Variants in ROBO1 observed in about 807,000 individuals in gnomAD.
The protein encoded by ROBO1 is roundabout guidance receptor 1, also known as roundabout homolog 1.
A neutral mutation model predicts 195.9 loss-of-function variants in ROBO1; 149 were observed. The ratio of observed to expected loss-of-function variants is 0.76; its 90% CI spans 0.67 to 0.87. The LOEUF (loss-of-function observed/expected upper bound fraction) is 0.87. Among genes scored for constraint, ROBO1 ranks in the 40% least tolerant of loss-of-function variants. The probability of loss-of-function intolerance (pLI) is 0.00; values close to 1 mark genes in which losing one functional copy is unlikely to be tolerated. For missense variants in ROBO1, 1,933 were observed against 2,068.3 expected (o/e 0.93, Z 1.27); for synonymous variants, 816 against 733.2 (o/e 1.11, Z -1.82).
At chr3:78,772,814 G>A (rs1228413905) in intron 4 of ROBO1, among the ~76,000 whole-genome samples, 19 of 152,006 alleles carry the variant, frequency 1.2e-4, no homozygotes, top group Admixed American at 1.1e-3. Flanking sequence ...TTGGTGAAGA[G>A]TTTTCACTAT....
chr3:78,808,730 AAAAC>A (rs1352058057), intron 4 of ROBO1, among the ~76,000 whole-genome samples: 1 of 152,234 alleles, frequency 6.6e-6, no homozygotes, highest in Non-Finnish European at 1.5e-5. Flanking sequence ...AAACCTGACA[AAAAC>A]AAGCAATGGG....
At position 78,995,185 on chromosome 3, in the gene ROBO1, C is replaced by T. The variant is rs765703728; in HGVS notation, c.173-56258G>A. On this transcript the variant is annotated intron_variant, in intron 3 of 30. Coordinates refer to ENST00000464233, the MANE Select transcript of ROBO1 (RefSeq NM_002941.4). ...GTAACTGATGATATTCTTTTCTTTCCGTAACTACCGTTGCTTCCAACACAA... is the reference window on the plus strand; with the variant it reads ...GTAACTGATGATATTCTTTTCTTTCTGTAACTACCGTTGCTTCCAACACAA... Among the ~76,000 whole-genome samples the T allele has an allele frequency of 4.6e-5, 7 of 152,248 alleles. No homozygotes were observed. The East Asian group carries it at 7.7e-4, about 17-fold the overall frequency.
In ROBO1 at chr3:78,701,149, C is replaced by T. The variant is rs112676668; in HGVS notation, c.1046-12377G>A. On this transcript the variant is annotated intron_variant, in intron 8 of 30. Transcript: ENST00000464233. ...ATTTTAAAAAGAGTAAAACCTTGCT[C>T]TAATGTAATTTTGGTTCTGAAATGT... Among the ~76,000 whole-genome samples, 438 of 152,254 alleles carry T rather than the reference C, an allele frequency of 2.9e-3. 3 individuals carry two copies. Among genetic ancestry groups the T allele is most frequent in the African/African-American group, 9.8e-3 (408 of 41,554 alleles).
intron 3 of ROBO1, among the ~76,000 whole-genome samples, chr3:79,053,739 G>A (rs945249738): frequency 3.3e-5 from 5 of 151,940 alleles, no homozygotes; most frequent in Non-Finnish European, 5.9e-5. Context: ...ATCTACACAT[G>A]CTTTTCCTGT....
intron 2 of ROBO1, among the ~76,000 whole-genome samples, chr3:79,290,279 G>A (rs142144793): frequency 0.025 from 3,773 of 151,954 alleles, 83 homozygotes; most frequent in Middle Eastern, 0.038. Context: ...TGATCCACCC[G>A]CCTCGGCCTC....
intron 2 of ROBO1, among the ~76,000 whole-genome samples, chr3:79,555,258 C>T (rs547237124): frequency 3.3e-5 from 5 of 152,188 alleles, no homozygotes; most frequent in South Asian, 2.1e-4. Flanking sequence ...TTGCTTGCTG[C>T]GCTCCTAATC....
chr3:78,971,886 C>A (rs1330172131), intron 3 of ROBO1, among the ~76,000 whole-genome samples: 1 of 152,114 alleles, frequency 6.6e-6, no homozygotes, highest in Non-Finnish European at 1.5e-5. Flanking sequence ...CTGCCTCAAT[C>A]TCCAGAGCAG....
At chr3:78,663,051 T>A (rs75937251) in intron 14 of ROBO1, among the ~76,000 whole-genome samples, 4,619 of 152,208 alleles carry the variant, frequency 0.03, 109 homozygotes, top group African/African-American at 0.068. Context: ...CTCAAAGAAT[T>A]GTATTTTGGC....
At chr3:79,713,292 G>T (rs1482567954) in intron 1 of ROBO1, among the ~76,000 whole-genome samples, 1 of 152,074 alleles carries the variant, frequency 6.6e-6, no homozygotes, top group Non-Finnish European at 1.5e-5. Flanking sequence ...TTATTTGAGA[G>T]ATACACTTCA....
At chr3:79,707,380 AT>A (rs1349363199) in intron 1 of ROBO1, among the ~76,000 whole-genome samples, 8 of 151,564 alleles carry the variant, frequency 5.3e-5, no homozygotes, top group East Asian at 3.9e-4. Flanking sequence ...ACCCTTGCCC[AT>A]TTTTTTTCTT....
intron 3 of ROBO1, among the ~76,000 whole-genome samples, chr3:78,980,684 C>T (rs758189077): frequency 2.6e-5 from 4 of 152,092 alleles, no homozygotes; most frequent in African/African-American, 4.8e-5. Context: ...ACACCACCAC[C>T]ACCAAACTTT....
rs1190588577 is a variant in ROBO1 at position 78,830,586 on chromosome 3, T to TTATAAAACC, written c.500-83695_500-83687dup. Among the ~76,000 whole-genome samples, 3 of 152,266 alleles carry TTATAAAACC rather than the reference T, an allele frequency of 2.0e-5. No individual in the cohort carries two copies. In the South Asian group the frequency reaches 6.2e-4, roughly 32 times the overall value. ...TGAAAACCCAGTGAAGGGGAAGCCC[T>TTATAAAACC]TATAAAACCACCAGATCTTGTGAGA... On this transcript the variant is annotated intron_variant, in intron 4 of 30. Transcript: ENST00000464233.
At chr3:79,307,619 T>C (rs2033282523) in intron 2 of ROBO1, among the ~76,000 whole-genome samples, 3 of 152,190 alleles carry the variant, frequency 2.0e-5, no homozygotes, top group African/African-American at 7.2e-5. Context: ...AATATATTAA[T>C]ATCTAAATGT....
At chr3:79,557,668 A>G (rs1346149719) in intron 2 of ROBO1, among the ~76,000 whole-genome samples, 1 of 150,712 alleles carries the variant, frequency 6.6e-6, no homozygotes, top group Non-Finnish European at 1.5e-5. Context: ...TAGAAGGTAG[A>G]TGTTCGGTGA....
At chr3:79,304,237 T>G (rs1291695226) in intron 2 of ROBO1, among the ~76,000 whole-genome samples, 1 of 152,158 alleles carries the variant, frequency 6.6e-6, no homozygotes, top group East Asian at 1.9e-4. Context: ...AGTAACTAAC[T>G]TGGTTAAAGA....
intron 2 of ROBO1, among the ~76,000 whole-genome samples, chr3:79,474,448 T>C (rs892518987): frequency 5.9e-5 from 9 of 152,122 alleles, no homozygotes; most frequent in Admixed American, 3.3e-4. Context: ...TTTTTAAAAG[T>C]TGAGGTAATA....
At position 79,688,989 on chromosome 3, in the gene ROBO1, A is replaced by G. The variant is rs147558637; in HGVS notation, c.-51+78763T>C. Reference sequence around the variant, plus strand: ...GTGATGTCTTCTCTGTTTTATAATTATTAGACTTTTTTCTCAGCTAGCTAT... The same window carrying G: ...GTGATGTCTTCTCTGTTTTATAATTGTTAGACTTTTTTCTCAGCTAGCTAT... On this transcript the variant is annotated intron_variant, in intron 1 of 30. Transcript: ENST00000464233. Among the ~76,000 whole-genome samples, 602 of 152,138 alleles carry G rather than the reference A, an allele frequency of 4.0e-3. 5 individuals carry two copies. Among genetic ancestry groups the G allele is most frequent in the Middle Eastern group, 0.031 (9 of 292 alleles).
chr3:79,765,696 G>A lies in ROBO1; in HGVS notation c.-51+2056C>T, dbSNP rs780827760. On this transcript the variant is annotated intron_variant, in intron 1 of 30. Transcript: ENST00000464233. ...TAGTTCCCAAACAACCACAGTAAAG[G>A]AGGCACATGGAAAGCGAGGAAAAAA... 7.2e-4 allele frequency among the ~76,000 whole-genome samples: 110 copies of A among 152,012 alleles called. 1 individual carries two copies. The highest frequency in any genetic ancestry group is 9.1e-4 in the Non-Finnish European group (62 of 68,016).
At chr3:79,186,840 G>A (rs1302882380) in intron 2 of ROBO1, among the ~76,000 whole-genome samples, 1 of 152,062 alleles carries the variant, frequency 6.6e-6, no homozygotes, top group Non-Finnish European at 1.5e-5. Context: ...CCTCTAATTA[G>A]GAATATCGCA....
Sources: allele counts gnomAD v4.1 joint callset (sites outside exome capture counted in the v4.1 genomes callset), GRCh38; gene constraint gnomAD v4.1.1; transcripts MANE v1.5; gene names NCBI Gene and HGNC (gene_info 2026-07-23, HGNC 2026-07-21).